Variants in DMD observed in about 807,000 individuals in gnomAD.
DMD encodes the protein dystrophin.
DMD carries 63 observed loss-of-function variants against 330.1 expected under a neutral mutation model. The observed-to-expected ratio is 0.19, with a 90% confidence interval of 0.16 to 0.24. The LOEUF is 0.24. Among genes scored for constraint, DMD ranks in the 10% least tolerant of loss-of-function variants. The pLI, the probability that DMD is intolerant of heterozygous loss-of-function variation, is 1.00. For synonymous variants in DMD, 1,223 were observed against 959.8 expected (o/e 1.27, Z -5.07); for missense variants, 3,344 against 2,684.1 (o/e 1.25, Z -5.43).
In DMD at chrX:31,496,790, T is replaced by C. The variant is rs1267267091; in HGVS notation, c.8545A>G (p.Arg2849Gly). 1 of 1,212,156 alleles carries C rather than the reference T, an allele frequency of 8.2e-7. No individual in the cohort carries two copies. Among genetic ancestry groups the C allele is most frequent in the Non-Finnish European group, 1.1e-6 (1 of 895,543 alleles). The change falls in exon 57 of 79, where the codon AGG becomes GGG. Residue 2849 changes from arginine to glycine, a missense_variant and splice_region_variant. Physicochemically the swap from Arg to Gly is moderately radical, Grantham distance 125. Transcript: ENST00000357033. Reference protein sequence around the residue: ...PAVQKQNDVHRAFKRELKTKE... With the variant: ...PAVQKQNDVHGAFKRELKTKE... Reference sequence around the variant, plus strand: ...CACGAGGCTTAAAAATGTCCTACCCTATGTACATCGTTCTGCTTCTGAACT... The same window carrying C: ...CACGAGGCTTAAAAATGTCCTACCCCATGTACATCGTTCTGCTTCTGAACT...
intron 44 of DMD, among the ~76,000 whole-genome samples, chrX:32,173,103 G>GTGTGTGTGTA (rs1455130006): frequency 9.3e-6 from 1 of 107,038 alleles, no homozygotes; most frequent in Non-Finnish European, 1.9e-5. Flanking sequence ...GTGTGTGTGT[G>GTGTGTGTGTA]TGTATGTGTG....
intron 33 of DMD, among the ~76,000 whole-genome samples, chrX:32,383,303 C>A (rs968600530): frequency 9.0e-6 from 1 of 110,816 alleles, no homozygotes; most frequent in African/African-American, 3.3e-5. Context: ...GCAGCCAGAG[C>A]TGATTACTCC....
At chrX:32,344,241 A>T (rs1347669474) in intron 39 of DMD, among the ~76,000 whole-genome samples, 1 of 112,011 alleles carries the variant, frequency 8.9e-6, no homozygotes, top group African/African-American at 3.2e-5. Context: ...AATTCGAGCG[A>T]AAAAATAATA....
intron 21 of DMD, among the ~76,000 whole-genome samples, chrX:32,476,089 G>A (rs1603634402): frequency 1.8e-5 from 2 of 111,068 alleles, no homozygotes; most frequent in African/African-American, 6.5e-5. Context: ...AGAAGGAGAG[G>A]GGACTATGGG....
chrX:32,737,702 G>A (rs771907345), intron 7 of DMD, among the ~76,000 whole-genome samples: 1 of 111,698 alleles, frequency 9.0e-6, no homozygotes, highest in East Asian at 2.8e-4. Flanking sequence ...CACGCAATAA[G>A]GTGTATAGGC....
rs2097711597 is a variant in DMD at position 32,336,004 on chromosome X, CGTTATATATAACGTGTATATATA to C, written c.5922+6073_5922+6095del. Among the ~76,000 whole-genome samples the C allele has an allele frequency of 3.7e-4, 11 of 29,822 alleles. No homozygotes were observed. In the East Asian group the frequency reaches 9.9e-3, roughly 27 times the overall value. The allele number at this position is 29,822 out of a possible 115,157, so 25.9% of individuals were successfully genotyped here. A position where few individuals can be genotyped will look rare whatever the true frequency, so the allele number is the denominator to read the frequency against. ...TGTTATATATAACGTGTATATATAA[CGTTATATATAACGTGTATATATA>C]ACGTTATATATAACGTGTATATATA... On this transcript the variant is annotated intron_variant, in intron 41 of 78. Transcript: ENST00000357033.
At chrX:31,138,936 C>T (rs185493519) in intron 76 of DMD, among the ~76,000 whole-genome samples, 71 of 111,721 alleles carry the variant, frequency 6.4e-4, no homozygotes, top group African/African-American at 2.0e-3. Context: ...CCCCTCATCA[C>T]CAAAAACAAA....
At chrX:32,572,469 C>T (rs908185575) in intron 15 of DMD, among the ~76,000 whole-genome samples, 7 of 109,108 alleles carry the variant, frequency 6.4e-5, no homozygotes, top group South Asian at 3.9e-4. Flanking sequence ...GAATATGTCA[C>T]GTGAAAAATT....
intron 62 of DMD, among the ~76,000 whole-genome samples, chrX:31,321,896 G>C (rs1346912290): frequency 9.0e-6 from 1 of 111,070 alleles, no homozygotes; most frequent in Non-Finnish European, 1.9e-5. Context: ...TTTTTGGACG[G>C]AGTTCATTTC....
chrX:32,794,582 C>G (rs141680486), intron 7 of DMD, among the ~76,000 whole-genome samples: 1,449 of 111,025 alleles, frequency 0.013, 12 homozygotes, highest in Middle Eastern at 0.042. Context: ...GAGCAAGACT[C>G]CATCTCAAAA....
intron 9 of DMD, among the ~76,000 whole-genome samples, chrX:32,685,567 T>C (rs2062795286): frequency 8.9e-6 from 1 of 112,146 alleles, no homozygotes; most frequent in Non-Finnish European, 1.9e-5. Context: ...ATATTCACTA[T>C]AAGTAAGTTT....
At chrX:32,528,272 A>G (rs928154019) in intron 17 of DMD, among the ~76,000 whole-genome samples, 5 of 111,054 alleles carry the variant, frequency 4.5e-5, no homozygotes, top group Non-Finnish European at 9.4e-5. Flanking sequence ...TTGTGCCACT[A>G]CATTCCAGCC....
At chrX:31,876,481 A>T (rs188355933) in intron 47 of DMD, among the ~76,000 whole-genome samples, 58 of 111,795 alleles carry the variant, frequency 5.2e-4, no homozygotes, top group Middle Eastern at 4.7e-3. Context: ...ACCTTAGAGC[A>T]ATACTCTGCA....
chrX:31,330,716 G>C (rs767138090), intron 61 of DMD, among the ~76,000 whole-genome samples: 1 of 111,420 alleles, frequency 9.0e-6, no homozygotes, highest in Admixed American at 9.6e-5. Flanking sequence ...GTCATAATCA[G>C]GATTATAATA....
Position 32,203,129 on chromosome X carries a change from T to C in DMD, c.6438+13787A>G, listed in dbSNP as rs190139361. ...CAAAGCTTTTGCCACTTAATATTGG[T>C]TGCCATTCTCCAAGCTGGCTTTTCC... On this transcript the variant is annotated intron_variant, in intron 44 of 78. Transcript: ENST00000357033. Among the ~76,000 whole-genome samples the C allele has an allele frequency of 2.0e-3, 221 of 112,504 alleles. 1 individual carries two copies. The highest frequency in any genetic ancestry group is 6.2e-3 in the African/African-American group (192 of 31,031).
intron 60 of DMD, among the ~76,000 whole-genome samples, chrX:31,405,220 T>A (rs1268285778): frequency 8.9e-6 from 1 of 112,027 alleles, no homozygotes; most frequent in South Asian, 3.7e-4. Flanking sequence ...GCAAGAGTGA[T>A]ATTTAAAATG....
intron 60 of DMD, among the ~76,000 whole-genome samples, chrX:31,418,478 T>G (rs1354063611): frequency 9.0e-6 from 1 of 111,723 alleles, no homozygotes; most frequent in African/African-American, 3.3e-5. Context: ...GGCAGTTAGA[T>G]TTAAGTGTAA....
chrX:32,238,475 A>AGAGAG (rs1569552520), intron 43 of DMD, among the ~76,000 whole-genome samples: 198 of 100,191 alleles, frequency 2.0e-3, no homozygotes, highest in African/African-American at 7.0e-3. Flanking sequence ...GAGAGAGAGA[A>AGAGAG]AGAGAGACAC....
chrX:32,551,057 T>C (rs961746353), intron 16 of DMD, among the ~76,000 whole-genome samples: 1 of 110,607 alleles, frequency 9.0e-6, no homozygotes, highest in African/African-American at 3.3e-5. Flanking sequence ...CTAACAGATA[T>C]AGAAGGAAAA....
Sources: gnomAD v4.1 joint callset for allele counts (sites outside exome capture counted in the v4.1 genomes callset) on GRCh38, gnomAD v4.1.1 for gene constraint, MANE v1.5 for transcripts, NCBI Gene and HGNC (gene_info 2026-07-23, HGNC 2026-07-21) for gene names.